Variants in TRPC7 observed in about 807,000 individuals in gnomAD.
The protein encoded by TRPC7 is short transient receptor potential channel 7.
In TRPC7, 42 loss-of-function variants were observed where a neutral mutation model predicts 90.1. That is an observed-to-expected ratio of 0.47 (90% CI 0.36 to 0.60). The LOEUF is 0.60. TRPC7 is among the 20% of genes least tolerant of loss of function. TRPC7 has a pLI of 0.00. For missense variants in TRPC7, 955 were observed against 1,112.3 expected (o/e 0.86, Z 2.01); for synonymous variants, 451 against 436.3 (o/e 1.03, Z -0.42).
intron 10 of TRPC7, 140 bp from the exon 11 acceptor site, chr5:136,216,415 A>AG: frequency 1.4e-6 from 1 of 690,742 alleles, no homozygotes; most frequent in East Asian, 2.7e-5. Context: ...CTCACTCTGG[A>AG]GGGGTGCCCT....
At chr5:136,345,111 G>C (rs1451420296) in intron 2 of TRPC7, among the ~76,000 whole-genome samples, 1 of 152,154 alleles carries the variant, frequency 6.6e-6, no homozygotes, top group Non-Finnish European at 1.5e-5. Context: ...ATATCAAAAA[G>C]GTTGCTTTTT....
At chr5:136,250,034 C>A (rs1277876248) in intron 6 of TRPC7, among the ~76,000 whole-genome samples, 1 of 152,192 alleles carries the variant, frequency 6.6e-6, no homozygotes, top group Non-Finnish European at 1.5e-5. Flanking sequence ...AATACTGCAG[C>A]CTGAATCCTG....
intron 2 of TRPC7, among the ~76,000 whole-genome samples, chr5:136,318,992 G>A (rs1737500237): frequency 6.6e-6 from 1 of 152,114 alleles, no homozygotes; most frequent in Admixed American, 6.5e-5. Context: ...CTCTACCAGT[G>A]TGTTCTTGCC....
chr5:136,331,305 A>G (rs1459772358), intron 2 of TRPC7, among the ~76,000 whole-genome samples: 1 of 152,178 alleles, frequency 6.6e-6, no homozygotes, highest in Admixed American at 6.5e-5. Context: ...CTCATGGAAG[A>G]TCTCAAGTAT....
intron 3 of TRPC7, among the ~76,000 whole-genome samples, chr5:136,310,503 A>T (rs548879736): frequency 6.3e-4 from 96 of 152,320 alleles, no homozygotes; most frequent in Non-Finnish European, 1.0e-3. Context: ...GGAGCCTGGC[A>T]GAGCCAGGAA....
At chr5:136,329,779 T>A (rs1282383018) in intron 2 of TRPC7, among the ~76,000 whole-genome samples, 1 of 152,194 alleles carries the variant, frequency 6.6e-6, no homozygotes, top group Admixed American at 6.5e-5. Context: ...TCTCTGCACA[T>A]CCTTAGCCAG....
chr5:136,275,177 T>C (rs970524950), intron 3 of TRPC7, among the ~76,000 whole-genome samples: 9 of 152,176 alleles, frequency 5.9e-5, no homozygotes, highest in Non-Finnish European at 1.3e-4. Context: ...GGGAGACTTA[T>C]CTCTGGGCAG....
rs552561890 is a variant in TRPC7, at chr5:136,316,766, G to A, written c.781-987C>T. Among the ~76,000 whole-genome samples the A allele has an allele frequency of 7.9e-4, 121 of 152,320 alleles. 1 individual carries two copies. In the South Asian group the frequency reaches 0.019, roughly 25 times the overall value. On this transcript the variant is annotated intron_variant, in intron 2 of 11. Transcript: ENST00000513104. ...TCCTCCCCAAAAATATTTTCCCTCA[G>A]AGGCCTCCTTGCTGGTTTCTTAGTT...
In TRPC7 at chr5:136,266,852, C is replaced by A. The variant is rs1040584999; in HGVS notation, c.1129-416G>T. Among the ~76,000 whole-genome samples, 36 of 152,294 alleles carry A rather than the reference C, an allele frequency of 2.4e-4. 1 individual carries two copies. Among genetic ancestry groups the A allele is most frequent in the Non-Finnish European group, 7.4e-5 (5 of 68,006 alleles). On this transcript the variant is annotated intron_variant, in intron 4 of 11. Transcript: ENST00000513104. ...TCATTCTAAGGGTATTTGTTCTCAA[C>A]CTTTCTTGTATGTTGATACATTTAT...
intron 3 of TRPC7, among the ~76,000 whole-genome samples, chr5:136,275,870 T>A (rs906652601): frequency 7.9e-5 from 12 of 152,176 alleles, no homozygotes; most frequent in African/African-American, 2.7e-4. Flanking sequence ...ATGGACTAAG[T>A]AGCAAAACAA....
At chr5:136,294,883 T>C (rs2149827007) in intron 3 of TRPC7, among the ~76,000 whole-genome samples, 1 of 152,308 alleles carries the variant, frequency 6.6e-6, no homozygotes, top group African/African-American at 2.4e-5. Flanking sequence ...AGACTTGGAA[T>C]CAACCCAAAT....
rs1030312808 is a variant in TRPC7, at chr5:136,251,642, G to A, written c.1579+7C>T. ...AAATGGAGTAGGGGAAGCACTCTCCGACTCACCGTAGGTGAAGTATGCCAC... is the reference window on the plus strand; with the variant it reads ...AAATGGAGTAGGGGAAGCACTCTCCAACTCACCGTAGGTGAAGTATGCCAC... On this transcript the variant is annotated splice_region_variant and intron_variant, in intron 6 of 11. Transcript: ENST00000513104. 2.5e-6 allele frequency: 4 copies of A among 1,590,186 alleles called. No homozygotes were observed. Among genetic ancestry groups the A allele is most frequent in the African/African-American group, 1.3e-5 (1 of 74,624 alleles).
At chr5:136,214,518 A>C (rs1202135943) in intron 11 of TRPC7, 1 of 152,202 alleles carries the variant, frequency 6.6e-6, no homozygotes, top group Non-Finnish European at 1.5e-5. Context: ...CAGATGCTTC[A>C]CTGAGCCCCC....
At chr5:136,330,801 G>A (rs3777147) in intron 2 of TRPC7, among the ~76,000 whole-genome samples, 1 of 152,088 alleles carries the variant, frequency 6.6e-6, no homozygotes, top group African/African-American at 2.4e-5. Context: ...TGGAACAGGC[G>A]GCTCCTATTG....
chr5:136,286,119 G>T (rs1308349673), intron 3 of TRPC7, among the ~76,000 whole-genome samples: 1 of 152,176 alleles, frequency 6.6e-6, no homozygotes, highest in Non-Finnish European at 1.5e-5. Flanking sequence ...CTTATCGAAT[G>T]CGCGAATTTA....
intron 3 of TRPC7, among the ~76,000 whole-genome samples, chr5:136,281,105 C>T (rs931805999): frequency 1.3e-5 from 2 of 152,180 alleles, no homozygotes; most frequent in African/African-American, 2.4e-5. Flanking sequence ...TTTTCCATTT[C>T]CCCAAAGACC....
At chr5:136,329,697 T>C (rs2149845754) in intron 2 of TRPC7, among the ~76,000 whole-genome samples, 1 of 152,268 alleles carries the variant, frequency 6.6e-6, no homozygotes, top group Middle Eastern at 3.4e-3. Context: ...ATGCACATAA[T>C]TCAATATTTT....
At chr5:136,277,685 A>G (rs1159363550) in intron 3 of TRPC7, among the ~76,000 whole-genome samples, 1 of 152,362 alleles carries the variant, frequency 6.6e-6, no homozygotes, top group Non-Finnish European at 1.5e-5. Flanking sequence ...GGGGTCAGAG[A>G]GGAACTGATG....
rs573972462 is a variant in TRPC7, at chr5:136,353,693, T to C, written c.780+2915A>G. 2.0e-5 allele frequency among the ~76,000 whole-genome samples: 3 copies of C among 152,342 alleles called. No individual in the cohort carries two copies. The South Asian group carries it at 6.2e-4, about 32-fold the overall frequency. Reference sequence around the variant, plus strand: ...GTTATGTTAATTTATACTGTGCCATTTGTCGACAATCCAAAAGACATTACT... The same window carrying C: ...GTTATGTTAATTTATACTGTGCCATCTGTCGACAATCCAAAAGACATTACT... On this transcript the variant is annotated intron_variant, in intron 2 of 11. Transcript: ENST00000513104.
Sources: allele counts gnomAD v4.1 joint callset (sites outside exome capture counted in the v4.1 genomes callset), GRCh38; gene constraint gnomAD v4.1.1; transcripts MANE v1.5; gene names NCBI Gene and HGNC (gene_info 2026-07-23, HGNC 2026-07-21).